Variants in CATSPERB observed in about 807,000 individuals in gnomAD.
The protein encoded by CATSPERB is catsper channel auxiliary subunit beta.
Under a neutral mutation model 128.3 loss-of-function variants are expected in CATSPERB, and 93 were observed. The observed-to-expected ratio is 0.72, with a 90% CI of 0.61 to 0.86. The LOEUF is 0.86. Among genes scored for constraint, CATSPERB ranks in the 40% least tolerant of loss-of-function variants. CATSPERB has a pLI of 0.00. For missense variants in CATSPERB, 1,153 were observed against 1,329.5 expected (o/e 0.87, Z 2.06); for synonymous variants, 381 against 448.8 (o/e 0.85, Z 1.91).
chr14:91,610,400 G>C (rs1379180722), intron 21 of CATSPERB, 80 bp downstream of exon 21: 1 of 1,134,418 alleles, frequency 8.8e-7, no homozygotes, highest in Non-Finnish European at 1.3e-6. Flanking sequence ...AAGAAATGCT[G>C]AAACTGAATG....
At position 91,639,185 on chromosome 14, in the gene CATSPERB, A is replaced by G; in HGVS notation, c.1498T>C (p.Leu500=). The G allele has an allele frequency of 6.2e-7, 1 of 1,613,930 alleles. No homozygotes were observed. Among genetic ancestry groups the G allele is most frequent in the South Asian group, 1.1e-5 (1 of 91,070 alleles). The change falls in exon 16 of 27, where the codon TTG becomes CTG. Residue 500 remains leucine, a synonymous_variant. Transcript: ENST00000256343. ...AGAGTCAGCTTATGTAGGAATCCCAAGTGATCATAGTATAATGTGAAAATT... is the reference window on the plus strand; with the variant it reads ...AGAGTCAGCTTATGTAGGAATCCCAGGTGATCATAGTATAATGTGAAAATT... ...ERIFTLYYDH[L]GFLHKLTLGR...
At chr14:91,634,671 C>T (rs201906676) in intron 17 of CATSPERB, among the ~76,000 whole-genome samples, 2 of 21,330 alleles carry the variant, frequency 9.4e-5, no homozygotes, top group African/African-American at 3.1e-4. Context: ...TATATACATA[C>T]ACACACACAC....
At chr14:91,608,877 G>A (rs1172197860) in intron 21 of CATSPERB, among the ~76,000 whole-genome samples, 2 of 152,124 alleles carry the variant, frequency 1.3e-5, no homozygotes, top group Non-Finnish European at 2.9e-5. Flanking sequence ...GGGGTTAGGG[G>A]TGCAGACCTC....
chr14:91,727,558 T>TA (rs1896138003), intron 2 of CATSPERB, among the ~76,000 whole-genome samples: 1 of 152,220 alleles, frequency 6.6e-6, no homozygotes, highest in South Asian at 2.1e-4. Context: ...GTTATAATGT[T>TA]AAACAGTTTT....
intron 20 of CATSPERB, among the ~76,000 whole-genome samples, chr14:91,614,713 T>C (rs1381304602): frequency 6.6e-6 from 1 of 152,144 alleles, no homozygotes; most frequent in African/African-American, 2.4e-5. Context: ...GGAGGACTGC[T>C]TGAGCACAGG....
At chr14:91,624,684 G>A (rs1054783876) in intron 18 of CATSPERB, 136 bp downstream of exon 18, 29 of 548,576 alleles carry the variant, frequency 5.3e-5, no homozygotes, top group Middle Eastern at 5.1e-4. Context: ...CCAAATATAT[G>A]TAAACTTTGG....
intron 2 of CATSPERB, among the ~76,000 whole-genome samples, chr14:91,726,296 A>G (rs2139783493): frequency 6.6e-6 from 1 of 152,216 alleles, no homozygotes; most frequent in African/African-American, 2.4e-5. Context: ...ACAGGCTCCC[A>G]CCCGTGGATG....
rs1441625896 is a variant in CATSPERB, at chr14:91,580,797, T to A, written c.*92A>T. On this transcript the variant is annotated 3_prime_UTR_variant, in exon 27 of 27. Transcript: ENST00000256343. ...TTATAATGACAATTCTTTAGGATTTTATGTAGCTTGCATATTTAACATTTA... is the reference window on the plus strand; with the variant it reads ...TTATAATGACAATTCTTTAGGATTTAATGTAGCTTGCATATTTAACATTTA... The A allele has an allele frequency of 2.1e-6, 2 of 940,680 alleles. No individual in the cohort carries two copies. The highest frequency in any genetic ancestry group is 3.2e-6 in the Non-Finnish European group (2 of 619,114). The allele number at this position is 940,680 out of a possible 1,614,324, so 58.3% of individuals were successfully genotyped here. A position where few individuals can be genotyped will look rare whatever the true frequency, so the allele number is the denominator to read the frequency against.
intron 22 of CATSPERB, among the ~76,000 whole-genome samples, chr14:91,605,560 G>A (rs1370601458): frequency 6.6e-6 from 1 of 152,158 alleles, no homozygotes; most frequent in Admixed American, 6.5e-5. Flanking sequence ...CCACGGCCGA[G>A]GAGATCCTGT....
At chr14:91,660,388 G>C (rs1894857430) in intron 14 of CATSPERB, among the ~76,000 whole-genome samples, 1 of 152,138 alleles carries the variant, frequency 6.6e-6, no homozygotes, top group Admixed American at 6.5e-5. Context: ...CTAGGTGTCT[G>C]GCAAATATAT....
rs142248684 is a variant in CATSPERB at position 91,630,162 on chromosome 14, C to T, written c.1743-5155G>A. On this transcript the variant is annotated intron_variant, in intron 17 of 26. Transcript: ENST00000256343. ...GCAGCATGCATCACAGTTGATCACT[C>T]CATACTTTCTAAACACCCTCTTCTC... Among the ~76,000 whole-genome samples, 38 of 152,312 alleles carry T rather than the reference C, an allele frequency of 2.5e-4. No homozygotes were observed. The East Asian group carries it at 6.5e-3, about 26-fold the overall frequency.
At chr14:91,670,073 T>C in intron 13 of CATSPERB, 101 bp from the exon 14 acceptor site, 1 of 1,002,850 alleles carries the variant, frequency 1.0e-6, no homozygotes, top group Non-Finnish European at 1.5e-6. Context: ...ATACAATCAC[T>C]AACACAACAT....
chr14:91,723,204 GAA>G lies in CATSPERB; in HGVS notation c.169-17_169-16del, dbSNP rs35078318. On this transcript the variant is annotated splice_polypyrimidine_tract_variant and intron_variant, in intron 3 of 26. Transcript: ENST00000256343. The stretch of plus-strand genomic sequence containing the variant: ...CACTGGATTTTCTTTAGGAAAGCAA[GAA>G]AAAAAAAAACAACTAATAACCACTT... 8 of 1,283,204 alleles carry G rather than the reference GAA, an allele frequency of 6.2e-6. No homozygotes were observed. Among genetic ancestry groups the G allele is most frequent in the Admixed American group, 2.9e-5 (1 of 34,212 alleles). 79.5% of individuals were successfully genotyped at this position (1,283,204 alleles called of 1,614,324 possible).
intron 15 of CATSPERB, among the ~76,000 whole-genome samples, chr14:91,653,143 A>T (rs537620875): frequency 6.6e-6 from 1 of 152,348 alleles, no homozygotes; most frequent in Non-Finnish European, 1.5e-5. Flanking sequence ...TTAAAATCGT[A>T]TCAGAGACTG....
At chr14:91,618,840 T>C (rs549337822) in intron 19 of CATSPERB, among the ~76,000 whole-genome samples, 1 of 152,330 alleles carries the variant, frequency 6.6e-6, no homozygotes, top group South Asian at 2.1e-4. Flanking sequence ...CAGTGCTTCC[T>C]AGCCTTTACC....
intron 13 of CATSPERB, among the ~76,000 whole-genome samples, chr14:91,670,516 A>C (rs1256394132): frequency 6.8e-6 from 1 of 147,438 alleles, no homozygotes; most frequent in East Asian, 1.9e-4. Context: ...AGTTGCATTA[A>C]AAAAAAAAAT....
chr14:91,675,556 G>A (rs978791425), intron 11 of CATSPERB, among the ~76,000 whole-genome samples: 2 of 152,164 alleles, frequency 1.3e-5, no homozygotes, highest in Non-Finnish European at 2.9e-5. Flanking sequence ...CTTGAGCTTT[G>A]TTCTGTTTTG....
intron 13 of CATSPERB, among the ~76,000 whole-genome samples, chr14:91,672,132 T>C (rs779858300): frequency 2.0e-5 from 3 of 152,194 alleles, no homozygotes; most frequent in Non-Finnish European, 2.9e-5. Flanking sequence ...GTAAATAAAC[T>C]GTTTTCTCCT....
intron 15 of CATSPERB, among the ~76,000 whole-genome samples, chr14:91,647,665 AC>A (rs1045894248): frequency 6.6e-6 from 1 of 152,094 alleles, no homozygotes; most frequent in African/African-American, 2.4e-5. Flanking sequence ...CTTTTATAAA[AC>A]CATCAGATCT....
Sources: allele counts gnomAD v4.1 joint callset (sites outside exome capture counted in the v4.1 genomes callset), GRCh38; gene constraint gnomAD v4.1.1; transcripts MANE v1.5; gene names NCBI Gene and HGNC (gene_info 2026-07-23, HGNC 2026-07-21).